The following MYO1B variants were observed in gnomAD, a reference collection of about 807,000 sequenced individuals.
MYO1B encodes myosin IB, also known as unconventional myosin-Ib.
In MYO1B, 72 loss-of-function variants were observed where a neutral mutation model predicts 159.7. That is an observed-to-expected ratio of 0.45 (90% CI 0.37 to 0.55). The LOEUF (loss-of-function observed/expected upper bound fraction) is 0.55, where lower values mean the gene tolerates loss of function less well. Ranked by LOEUF, MYO1B falls within the 20% of genes least tolerant of loss-of-function variation. The probability of loss-of-function intolerance (pLI) is 0.00; values close to 1 mark genes in which losing one functional copy is unlikely to be tolerated. For missense variants in MYO1B, 1,062 were observed against 1,364.8 expected (o/e 0.78, Z 3.50); for synonymous variants, 468 against 473.8 (o/e 0.99, Z 0.16).
intron 5 of MYO1B, among the ~76,000 whole-genome samples, chr2:191,345,470 A>G (rs1333282014): frequency 6.6e-6 from 1 of 152,206 alleles, no homozygotes; most frequent in Non-Finnish European, 1.5e-5. Flanking sequence ...CCTGTGTTAA[A>G]CAAGAGCACT....
At chr2:191,259,668 G>A (rs1686676157) in intron 1 of MYO1B, among the ~76,000 whole-genome samples, 1 of 152,140 alleles carries the variant, frequency 6.6e-6, no homozygotes, top group African/African-American at 2.4e-5. Flanking sequence ...TTTTCTGACA[G>A]TAGATATTGA....
intron 4 of MYO1B, among the ~76,000 whole-genome samples, chr2:191,331,693 G>GT (rs1691488318): frequency 6.6e-6 from 1 of 152,076 alleles, no homozygotes; most frequent in Non-Finnish European, 1.5e-5. Context: ...ATCACATTTC[G>GT]TTTAGTAGGG....
chr2:191,373,165 A>C (rs566002902), intron 13 of MYO1B, among the ~76,000 whole-genome samples: 7 of 152,024 alleles, frequency 4.6e-5, no homozygotes, highest in Non-Finnish European at 8.8e-5. Flanking sequence ...CCTGTGTTAC[A>C]TTTCTAAATA....
chr2:191,291,916 A>G (rs1688710075), intron 2 of MYO1B, among the ~76,000 whole-genome samples: 1 of 152,186 alleles, frequency 6.6e-6, no homozygotes, highest in South Asian at 2.1e-4. Context: ...CCACCCAGCA[A>G]TCAGCTGCTA....
rs190424321 is a variant in MYO1B, at chr2:191,268,240, G to T, written c.-9-8647G>T. Among the ~76,000 whole-genome samples the T allele has an allele frequency of 5.8e-3, 879 of 152,362 alleles. 9 individuals carry two copies. The highest frequency in any genetic ancestry group is 0.021 in the African/African-American group (853 of 41,592). On this transcript the variant is annotated intron_variant, in intron 1 of 30. Transcript: ENST00000392318. ...GGAGATCAAGTTGTTGGTAGATTCA[G>T]TTTCTGGTGAGGGTCCTCTTCCTGG...
chr2:191,370,304 AAT>A lies in MYO1B; in HGVS notation c.1185+13_1185+14del. ...TTGAGATTTTCGAGGTAAGATTTAA[AAT>A]TTTTTTTGTATTGTCTTTAGTAGAG... On this transcript the variant is annotated intron_variant, in intron 13 of 30. Coordinates refer to ENST00000392318, the MANE Select transcript of MYO1B (RefSeq NM_001130158.3). 1 of 1,606,706 alleles carries A rather than the reference AAT, an allele frequency of 6.2e-7. No homozygotes were observed. The highest frequency in any genetic ancestry group is 8.5e-7 in the Non-Finnish European group (1 of 1,173,760).
rs773639703 is a variant in MYO1B, at chr2:191,423,788, C to A, written c.3288-49C>A. ...ATACAAAAGCAAGTGTTATTGTAAT[C>A]ATGAGCTGTTTTGTGTATACTTTAA... On this transcript the variant is annotated intron_variant, in intron 30 of 30. Transcript: ENST00000392318. The A allele has an allele frequency of 2.7e-5, 42 of 1,571,360 alleles. No individual in the cohort carries two copies. In the African/African-American group the frequency reaches 4.1e-4, roughly 15 times the overall value.
intron 1 of MYO1B, among the ~76,000 whole-genome samples, chr2:191,257,934 T>C (rs564841884): frequency 6.6e-6 from 1 of 152,368 alleles, no homozygotes; most frequent in African/African-American, 2.4e-5. Context: ...ATAGTTCTTT[T>C]TCTGCTTTAA....
chr2:191,263,264 C>T (rs1686932723), intron 1 of MYO1B: 5 of 960,428 alleles, frequency 5.2e-6, no homozygotes, highest in Non-Finnish European at 6.2e-6. Flanking sequence ...TATCTGCTTG[C>T]AAAATATTTG....
Position 191,423,832 on chromosome 2 carries a change from C to G in MYO1B, c.3288-5C>G, listed in dbSNP as rs748487530. 4 of 1,602,640 alleles carry G rather than the reference C, an allele frequency of 2.5e-6. No homozygotes were observed. Among genetic ancestry groups the G allele is most frequent in the Non-Finnish European group, 3.4e-6 (4 of 1,176,422 alleles). ...ACTTTAATTTGTTTTATTCTTTTCT[C>G]CTAGGTTCCTGGTACAGTTCAGACA... On this transcript the variant is annotated splice_region_variant and splice_polypyrimidine_tract_variant and intron_variant, in intron 30 of 30. Transcript: ENST00000392318.
intron 21 of MYO1B, among the ~76,000 whole-genome samples, 187 bp from the exon 22 acceptor site, chr2:191,400,195 A>C (rs920479708): frequency 1.3e-5 from 2 of 152,170 alleles, no homozygotes; most frequent in Non-Finnish European, 2.9e-5. Flanking sequence ...ACCCATGCTT[A>C]ATGATGTCTT....
rs187275642 is a variant in MYO1B at position 191,329,444 on chromosome 2, C to A, written c.252-491C>A. ...AAGATTTTTTTCCCTCATATTGAAA[C>A]TTCAGTGTATGGTCCTGAAAAATCT... On this transcript the variant is annotated intron_variant, in intron 3 of 30. Transcript: ENST00000392318. 6.4e-4 allele frequency among the ~76,000 whole-genome samples: 98 copies of A among 151,976 alleles called. 1 individual carries two copies. The East Asian group carries it at 0.013, about 21-fold the overall frequency.
intron 3 of MYO1B, among the ~76,000 whole-genome samples, chr2:191,321,266 G>C (rs1158707705): frequency 6.6e-6 from 1 of 152,138 alleles, no homozygotes; most frequent in Non-Finnish European, 1.5e-5. Context: ...AAGTTGTAAA[G>C]GTGATTAGCA....
intron 8 of MYO1B, among the ~76,000 whole-genome samples, chr2:191,361,501 C>G (rs1693668518): frequency 6.6e-6 from 1 of 151,814 alleles, no homozygotes. Context: ...TATGAAAAGT[C>G]AACACCACTT....
intron 2 of MYO1B, 142 bp downstream of exon 2, chr2:191,277,172 G>A: frequency 1.0e-6 from 1 of 1,003,132 alleles, no homozygotes; most frequent in Non-Finnish European, 1.4e-6. Flanking sequence ...AGAAAGAGTT[G>A]AGTTTTTACT....
intron 1 of MYO1B, among the ~76,000 whole-genome samples, chr2:191,252,601 A>C (rs1236531990): frequency 2.0e-5 from 3 of 152,180 alleles, no homozygotes; most frequent in Non-Finnish European, 2.9e-5. Flanking sequence ...GTTGCTATTG[A>C]AAAGTGTCTT....
At chr2:191,334,941 C>G (rs1691730184) in intron 4 of MYO1B, among the ~76,000 whole-genome samples, 1 of 152,208 alleles carries the variant, frequency 6.6e-6, no homozygotes, top group African/African-American at 2.4e-5. Flanking sequence ...TAAAAGCCTA[C>G]TTGCATGTGT....
At chr2:191,256,866 G>A (rs551659659) in intron 1 of MYO1B, among the ~76,000 whole-genome samples, 285 of 152,240 alleles carry the variant, frequency 1.9e-3, no homozygotes, top group African/African-American at 6.0e-3. Context: ...ACTAGGTAAC[G>A]GTGTTGAATA....
chr2:191,290,083 T>A (rs984204156), intron 2 of MYO1B, among the ~76,000 whole-genome samples: 1 of 152,230 alleles, frequency 6.6e-6, no homozygotes, highest in African/African-American at 2.4e-5. Flanking sequence ...ATACACTGAT[T>A]TTGGCTGTTG....
Sources: gnomAD v4.1 joint callset for allele counts (sites outside exome capture counted in the v4.1 genomes callset) on GRCh38, gnomAD v4.1.1 for gene constraint, MANE v1.5 for transcripts, NCBI Gene and HGNC (gene_info 2026-07-23, HGNC 2026-07-21) for gene names.